PLD1: variants seen among roughly 807,000 people sequenced by gnomAD.
The protein encoded by PLD1 is phospholipase D1.
Under a neutral mutation model 137.1 loss-of-function variants are expected in PLD1, and 112 were observed. The ratio of observed to expected loss-of-function variants is 0.82; its 90% CI spans 0.70 to 0.96. The LOEUF (loss-of-function observed/expected upper bound fraction) is 0.96, where lower values mean the gene tolerates loss of function less well. Among genes scored for constraint, PLD1 ranks in the 40% least tolerant of loss-of-function variants. PLD1 has a pLI of 0.00. For synonymous variants in PLD1, 431 were observed against 454.7 expected, an observed-to-expected ratio of 0.95 and a Z score of 0.66; for missense variants, 1,321 against 1,342.0, an observed-to-expected ratio of 0.98 and a Z score of 0.24.
chr3:171,613,114 G>A (rs1383899562), intron 24 of PLD1, among the ~76,000 whole-genome samples: 1 of 152,076 alleles, frequency 6.6e-6, no homozygotes, highest in Non-Finnish European at 1.5e-5. Context: ...AATTTGCAGT[G>A]GGCTGTAACT....
chr3:171,798,215 T>A (rs1723508040), intron 1 of PLD1, among the ~76,000 whole-genome samples: 1 of 152,206 alleles, frequency 6.6e-6, no homozygotes, highest in Non-Finnish European at 1.5e-5. Flanking sequence ...GCTCAGTGAA[T>A]TACAATCACT....
intron 16 of PLD1, among the ~76,000 whole-genome samples, chr3:171,683,810 AT>A (rs1714256638): frequency 6.6e-6 from 1 of 152,230 alleles, no homozygotes. Context: ...CAGAATAGTG[AT>A]TGGCATATAA....
At chr3:171,721,561 T>C (rs1019229042) in intron 8 of PLD1, 7 of 152,280 alleles carry the variant, frequency 4.6e-5, no homozygotes, top group Admixed American at 1.3e-4. Flanking sequence ...GAATTTTTGG[T>C]CAAAGAATCA....
chr3:171,729,233 G>A (rs746968068), intron 6 of PLD1, among the ~76,000 whole-genome samples: 30 of 152,110 alleles, frequency 2.0e-4, no homozygotes, highest in Non-Finnish European at 4.3e-4. Context: ...TTTTGGCAAA[G>A]GAATTTGTAA....
chr3:171,715,468 T>C (rs1717603848), intron 8 of PLD1, among the ~76,000 whole-genome samples: 1 of 152,184 alleles, frequency 6.6e-6, no homozygotes, highest in African/African-American at 2.4e-5. Context: ...TTTTGTTGTT[T>C]TATGTGAATT....
At chr3:171,706,017 G>A (rs954956453) in intron 11 of PLD1, among the ~76,000 whole-genome samples, 2 of 152,036 alleles carry the variant, frequency 1.3e-5, no homozygotes, top group African/African-American at 4.8e-5. Flanking sequence ...AAAGAAAAAG[G>A]TTACTAACCA....
chr3:171,770,888 CAAAAAA>C (rs34683994), intron 1 of PLD1, among the ~76,000 whole-genome samples: 10 of 40,876 alleles, frequency 2.4e-4, no homozygotes, highest in African/African-American at 7.1e-4. Context: ...AACCCTATCT[CAAAAAA>C]AAAAAAAAAA....
intron 19 of PLD1, among the ~76,000 whole-genome samples, chr3:171,663,067 C>T (rs1207718044): frequency 6.6e-6 from 1 of 152,188 alleles, no homozygotes; most frequent in African/African-American, 2.4e-5. Flanking sequence ...TGACTTTTTT[C>T]TCTAAACCAT....
At chr3:171,676,624 CTCT>C (rs1386476243) in intron 18 of PLD1, 88 bp downstream of exon 18, 1 of 970,118 alleles carries the variant, frequency 1.0e-6, no homozygotes, top group Non-Finnish European at 1.6e-6. Context: ...CCACAACAGT[CTCT>C]TCTTGCTACC....
At position 171,603,122 on chromosome 3, in the gene PLD1, C is replaced by A; in HGVS notation, c.3181G>T (p.Val1061Phe). 6.2e-7 allele frequency: 1 copy of A among 1,614,038 alleles called. No individual in the cohort carries two copies. Among genetic ancestry groups the A allele is most frequent in the Non-Finnish European group, 8.5e-7 (1 of 1,179,984 alleles). Residue 1061 changes from valine (V) to phenylalanine (F), a missense_variant, in exon 27 of 27, where the codon GTT becomes TTT. Transcript: ENST00000351298. Reference protein sequence around the residue: ...FLSEESLLPSVGTKEAIVPME... With the variant: ...FLSEESLLPSFGTKEAIVPME... ...GGCACTATGGCCTCTTTGGTCCCAA[C>A]AGAAGGCAGTAGGCTTTCTTCAGAC... is the stretch of plus-strand genomic sequence containing the variant.
At chr3:171,708,660 T>C (rs1716888715) in intron 11 of PLD1, 95 bp downstream of exon 11, 1 of 705,928 alleles carries the variant, frequency 1.4e-6, no homozygotes, top group South Asian at 1.9e-5. Flanking sequence ...ATACAGCTGA[T>C]TTTCATAATG....
At position 171,732,988 on chromosome 3, in the gene PLD1, G is replaced by T. The variant is rs547950452; in HGVS notation, c.606+456C>A. ...CATGCTTCTCACTTTCACATGAAAAGACATGCCTTTAACAGGCATGACAAA... is the reference window on the plus strand; with the variant it reads ...CATGCTTCTCACTTTCACATGAAAATACATGCCTTTAACAGGCATGACAAA... On this transcript the variant is annotated intron_variant, in intron 6 of 26. Transcript: ENST00000351298. Among the ~76,000 whole-genome samples, 26 of 152,250 alleles carry T rather than the reference G, an allele frequency of 1.7e-4. No homozygotes were observed. The South Asian group carries it at 4.8e-3, about 28-fold the overall frequency.
intron 6 of PLD1, among the ~76,000 whole-genome samples, chr3:171,727,671 TAC>T (rs1292480668): frequency 6.6e-6 from 1 of 152,124 alleles, no homozygotes; most frequent in Non-Finnish European, 1.5e-5. Context: ...TGAAAGTAGT[TAC>T]AGAGTTATAG....
At chr3:171,769,759 T>C (rs974937845) in intron 1 of PLD1, among the ~76,000 whole-genome samples, 1 of 152,208 alleles carries the variant, frequency 6.6e-6, no homozygotes, top group Non-Finnish European at 1.5e-5. Context: ...TTTAAGTACC[T>C]ATTTCTGTCT....
intron 21 of PLD1, among the ~76,000 whole-genome samples, chr3:171,657,199 A>C (rs1391076905): frequency 6.6e-6 from 1 of 152,206 alleles, no homozygotes; most frequent in Admixed American, 6.5e-5. Context: ...AACAACAAAT[A>C]CATGACCTAC....
chr3:171,625,258 A>C (rs563060646), intron 23 of PLD1, among the ~76,000 whole-genome samples: 60 of 152,314 alleles, frequency 3.9e-4, no homozygotes, highest in African/African-American at 9.9e-4. Context: ...TTGCTAGCAC[A>C]GCAGTCTGAG....
chr3:171,645,838 C>T (rs1578178865), intron 21 of PLD1, among the ~76,000 whole-genome samples: 1 of 143,874 alleles, frequency 7.0e-6, no homozygotes, highest in African/African-American at 2.6e-5. Flanking sequence ...CAGCAGAGAT[C>T]GCGCTACTGC....
intron 8 of PLD1, among the ~76,000 whole-genome samples, chr3:171,724,045 A>G (rs1159771965): frequency 6.6e-6 from 1 of 152,206 alleles, no homozygotes; most frequent in African/African-American, 2.4e-5. Context: ...ATTGATGAAC[A>G]TTAGAATTGT....
rs181489727 is a variant in PLD1, at chr3:171,764,348, A to G, written c.-31-26266T>C. On this transcript the variant is annotated intron_variant, in intron 1 of 26. Transcript: ENST00000351298. The stretch of plus-strand genomic sequence containing the variant: ...CTTATAATGTATGGGGCATTATGAT[A>G]AGCTTTTTATATACATTATTTCATT... Among the ~76,000 whole-genome samples the G allele has an allele frequency of 2.6e-5, 4 of 152,320 alleles. No homozygotes were observed. The East Asian group carries it at 7.7e-4, about 29-fold the overall frequency.
Sources: allele counts gnomAD v4.1 joint callset (sites outside exome capture counted in the v4.1 genomes callset), GRCh38; gene constraint gnomAD v4.1.1; transcripts MANE v1.5; gene names NCBI Gene and HGNC (gene_info 2026-07-23, HGNC 2026-07-21).